The following CSMD1 variants were observed in gnomAD, a reference collection of about 807,000 sequenced individuals.
CSMD1 encodes CUB and sushi domain-containing protein 1.
In CSMD1, 213 loss-of-function variants were observed where a neutral mutation model predicts 417.5. The ratio of observed to expected loss-of-function variants is 0.51; its 90% CI spans 0.46 to 0.57. The LOEUF (loss-of-function observed/expected upper bound fraction) is 0.57, where lower values mean the gene tolerates loss of function less well. Ranked by LOEUF, CSMD1 falls within the 20% of genes least tolerant of loss-of-function variation. The pLI is 0.00. For missense variants in CSMD1, 6,923 were observed against 4,529.7 expected (o/e 1.53, Z -15.17); for synonymous variants, 2,862 against 1,736.8 (o/e 1.65, Z -16.11).
At chr8:3,693,486 T>C (rs781016893) in intron 7 of CSMD1, among the ~76,000 whole-genome samples, 1 of 152,074 alleles carries the variant, frequency 6.6e-6, no homozygotes, top group Non-Finnish European at 1.5e-5. Context: ...CTGGTCAAAT[T>C]ATGGCAGCAG....
chr8:4,950,339 A>G (rs1204757041), intron 1 of CSMD1, among the ~76,000 whole-genome samples: 1 of 152,158 alleles, frequency 6.6e-6, no homozygotes, highest in Non-Finnish European at 1.5e-5. Context: ...GTTGTCTTTA[A>G]AAGACAGATT....
intron 5 of CSMD1, among the ~76,000 whole-genome samples, chr8:3,964,587 T>A (rs895983941): frequency 1.3e-5 from 2 of 152,210 alleles, no homozygotes; most frequent in South Asian, 4.1e-4. Flanking sequence ...AATTCTCTGA[T>A]CCACTTAAAT....
intron 3 of CSMD1, among the ~76,000 whole-genome samples, chr8:4,396,517 C>T (rs758049360): frequency 1.1e-4 from 16 of 151,942 alleles, no homozygotes; most frequent in Non-Finnish European, 1.2e-4. Context: ...CAAAAGCATA[C>T]GAAGAAGATA....
chr8:4,065,604 A>C (rs1230305052), intron 3 of CSMD1, among the ~76,000 whole-genome samples: 1 of 152,164 alleles, frequency 6.6e-6, no homozygotes, highest in African/African-American at 2.4e-5. Context: ...ATGCTATGTA[A>C]AGGAGACTCA....
At chr8:4,783,201 G>A (rs956978093) in intron 1 of CSMD1, among the ~76,000 whole-genome samples, 1 of 152,114 alleles carries the variant, frequency 6.6e-6, no homozygotes, top group Non-Finnish European at 1.5e-5. Context: ...TTAACATTAG[G>A]CATTAAATAA....
At position 3,734,471 on chromosome 8, in the gene CSMD1, G is replaced by C. The variant is rs536159244; in HGVS notation, c.931+19459C>G. Among the ~76,000 whole-genome samples, 4 of 152,320 alleles carry C rather than the reference G, an allele frequency of 2.6e-5. No homozygotes were observed. In the East Asian group the frequency reaches 5.8e-4, roughly 22 times the overall value. On this transcript the variant is annotated intron_variant, in intron 6 of 69. Coordinates refer to ENST00000635120, the MANE Select transcript of CSMD1 (RefSeq NM_033225.6). ...CACGCCTGTAATCCCAGCACTTTGA[G>C]AGGCTGAGGTGGGTGGATCCCTTGA... is the stretch of plus-strand genomic sequence containing the variant.
chr8:4,269,683 T>C (rs371741726), intron 3 of CSMD1, among the ~76,000 whole-genome samples: 1 of 152,200 alleles, frequency 6.6e-6, no homozygotes, highest in African/African-American at 2.4e-5. Flanking sequence ...AATTTTTTGT[T>C]TCTTTGCAGT....
intron 5 of CSMD1, among the ~76,000 whole-genome samples, chr8:3,867,171 G>T (rs1466992125): frequency 1.3e-5 from 2 of 151,946 alleles, no homozygotes; most frequent in African/African-American, 4.8e-5. Context: ...TAGTTCACTG[G>T]TCTTTGGTCT....
chr8:3,940,203 A>G (rs1386294157), intron 5 of CSMD1, among the ~76,000 whole-genome samples: 3 of 151,810 alleles, frequency 2.0e-5, no homozygotes, highest in Admixed American at 6.6e-5. Context: ...TATTTTTGAA[A>G]AAGTTCTACC....
chr8:3,966,791 G>C (rs1328700484), intron 5 of CSMD1, among the ~76,000 whole-genome samples: 1 of 151,882 alleles, frequency 6.6e-6, no homozygotes, highest in Non-Finnish European at 1.5e-5. Context: ...ATAGGTCTTA[G>C]ATTAAATCCC....
In CSMD1 at chr8:3,009,397, A is replaced by G. The variant is rs183685570; in HGVS notation, c.8029+9080T>C. 1.8e-4 allele frequency among the ~76,000 whole-genome samples: 28 copies of G among 152,326 alleles called. No individual in the cohort carries two copies. The East Asian group carries it at 3.1e-3, about 17-fold the overall frequency. ...TATCCTGGGCCTGTAGGGGAATACA[A>G]TATGCTTTATTCTATCCATTCTATG... On this transcript the variant is annotated intron_variant, in intron 52 of 69. Transcript: ENST00000635120.
intron 6 of CSMD1, among the ~76,000 whole-genome samples, chr8:3,713,746 G>A (rs1801661669): frequency 6.6e-6 from 1 of 152,208 alleles, no homozygotes; most frequent in South Asian, 2.1e-4. Context: ...ATGAGGAGAT[G>A]CCATTGCAAA....
At chr8:4,429,940 G>A (rs1797777738) in intron 2 of CSMD1, among the ~76,000 whole-genome samples, 2 of 152,138 alleles carry the variant, frequency 1.3e-5, no homozygotes, top group African/African-American at 4.8e-5. Flanking sequence ...ATCAGGGAAT[G>A]AAAAAGACAA....
At chr8:3,206,280 T>C (rs1283682039) in intron 30 of CSMD1, among the ~76,000 whole-genome samples, 1 of 133,594 alleles carries the variant, frequency 7.5e-6, no homozygotes, top group African/African-American at 2.8e-5. Context: ...TATGTCTCTG[T>C]GTGTATGTGT....
intron 5 of CSMD1, among the ~76,000 whole-genome samples, chr8:3,982,816 G>C (rs1813984849): frequency 6.6e-6 from 1 of 152,170 alleles, no homozygotes; most frequent in South Asian, 2.1e-4. Context: ...ATTCTGAGGG[G>C]AGCACGATGG....
chr8:4,649,406 T>C (rs1468973906), intron 1 of CSMD1, among the ~76,000 whole-genome samples: 2 of 152,214 alleles, frequency 1.3e-5, no homozygotes, highest in East Asian at 1.9e-4. Context: ...ACAGGCATTA[T>C]CATTCCTATT....
intron 1 of CSMD1, among the ~76,000 whole-genome samples, chr8:4,802,117 G>T (rs1177482827): frequency 1.3e-5 from 2 of 152,156 alleles, no homozygotes; most frequent in Non-Finnish European, 2.9e-5. Flanking sequence ...ACAGTTTTAA[G>T]GCCATCTGGA....
At chr8:3,632,843 T>C (rs1796851102) in intron 7 of CSMD1, among the ~76,000 whole-genome samples, 1 of 152,216 alleles carries the variant, frequency 6.6e-6, no homozygotes, top group African/African-American at 2.4e-5. Flanking sequence ...CTTCAGAGAT[T>C]ATGTTCCTGG....
At chr8:4,540,796 A>G (rs974997192) in intron 2 of CSMD1, among the ~76,000 whole-genome samples, 2 of 152,086 alleles carry the variant, frequency 1.3e-5, no homozygotes, top group African/African-American at 2.4e-5. Context: ...ACCTTCTGTT[A>G]TTATCCCCAT....
Sources: allele counts gnomAD v4.1 joint callset (sites outside exome capture counted in the v4.1 genomes callset), GRCh38; gene constraint gnomAD v4.1.1; transcripts MANE v1.5; gene names NCBI Gene and HGNC (gene_info 2026-07-23, HGNC 2026-07-21).